Variants in ROGDI observed in about 807,000 individuals in gnomAD.
The protein encoded by ROGDI is rogdi atypical leucine zipper, also known as protein rogdi homolog.
In ROGDI, 46 loss-of-function variants were observed where a neutral mutation model predicts 43.1. That is an observed-to-expected ratio of 1.07 (90% CI 0.84 to 1.37). The LOEUF is 1.37. ROGDI is among the 40% of genes most tolerant of loss of function. The probability of loss-of-function intolerance (pLI) is 0.00; values close to 1 mark genes in which losing one functional copy is unlikely to be tolerated. For synonymous variants in ROGDI, 243 were observed against 162.0 expected, an observed-to-expected ratio of 1.50 and a Z score of -3.80; for missense variants, 518 against 383.9, an observed-to-expected ratio of 1.35 and a Z score of -2.92.
In ROGDI at chr16:4,800,558, G is replaced by A. The variant is rs376597130; in HGVS notation, c.276C>T (p.Pro92=). The A allele has an allele frequency of 3.9e-5, 61 of 1,568,540 alleles. 1 individual carries two copies. In the Middle Eastern group the frequency reaches 8.3e-4, roughly 21 times the overall value. ...CGAAGTGCAGCAGCTGGTTGTTCCG[G>A]GGCATCTTCAGGTTCACATCCTGAC... ...LSQADVNLKM[P]RNNQLLHFAF... The change falls in exon 5 of 11, where the codon CCC becomes CCT. Residue 92 remains proline (P), a synonymous_variant. Coordinates refer to ENST00000322048, the MANE Select transcript of ROGDI (RefSeq NM_024589.3).
Position 4,801,541 on chromosome 16 carries a change from C to A in ROGDI, c.162G>T (p.Gly54=), listed in dbSNP as rs1596278606. Residue 54 remains glycine (G), a synonymous_variant, in exon 3 of 11, where the codon GGG becomes GGT. Coordinates refer to ENST00000322048, the MANE Select transcript of ROGDI (RefSeq NM_024589.3). ...GGATGAAGTTCTCTTGCTTGGCGGG[C>A]CCCTCAGTGCCGGAGCCCGGCAGAG... is the stretch of plus-strand genomic sequence containing the variant. ...RFTLPGSGTE[G]PAKQENFILG... 1.2e-6 allele frequency: 2 copies of A among 1,606,794 alleles called. No individual in the cohort carries two copies. Among genetic ancestry groups the A allele is most frequent in the Non-Finnish European group, 8.5e-7 (1 of 1,176,896 alleles).
Position 4,802,427 on chromosome 16 carries a change from G to A in ROGDI, c.72C>T (p.His24=). Residue 24 remains histidine, a synonymous_variant, in exon 2 of 11, where the codon CAC becomes CAT. Transcript: ENST00000322048. The part of the protein sequence containing the change: ...VLEEEFRWLL[H]DEVHAVLKQL... ...GCTTCAACACAGCGTGCACCTCGTC[G>A]TGCAGCAGCCAGCGGAACTCCTCCT... 8.0e-6 allele frequency: 12 copies of A among 1,493,384 alleles called. No homozygotes were observed. Among genetic ancestry groups the A allele is most frequent in the South Asian group, 1.3e-5 (1 of 77,820 alleles). The allele number at this position is 1,493,384 out of a possible 1,614,324, so 92.5% of individuals were successfully genotyped here. A position where few individuals can be genotyped will look rare whatever the true frequency, so the allele number is the denominator to read the frequency against.
At chr16:4,801,871 G>A in intron 2 of ROGDI, 2 of 580,046 alleles carry the variant, frequency 3.4e-6, no homozygotes, top group East Asian at 5.9e-5. Flanking sequence ...GGGGGAAAGG[G>A]GCAAGGGGCA....
In ROGDI at chr16:4,802,194, G is replaced by A. The variant is rs1052173850; in HGVS notation, c.117+188C>T. On this transcript the variant is annotated intron_variant, in intron 2 of 10. Transcript: ENST00000322048. The stretch of plus-strand genomic sequence containing the variant: ...CTTGCTAGCACCCTCGTCGGGACCC[G>A]CCCCTGCCCGCACACAGGTACTTAT... The A allele has an allele frequency of 9.1e-6, 6 of 661,118 alleles. No individual in the cohort carries two copies. The South Asian group carries it at 9.5e-5, about 10-fold the overall frequency. 41.0% of individuals were successfully genotyped at this position (661,118 alleles called of 1,614,324 possible).
At position 4,797,289 on chromosome 16, in the gene ROGDI, C is replaced by T. The variant is rs993230917; in HGVS notation, c.*171G>A. On this transcript the variant is annotated 3_prime_UTR_variant, in exon 11 of 11. Coordinates refer to ENST00000322048, the MANE Select transcript of ROGDI (RefSeq NM_024589.3). ...CTACCCCACCAAACCAGCCTTCCTT[C>T]CTCCTGGCACTTCCAGTGTCCATTC... 4.7e-6 allele frequency: 3 copies of T among 640,830 alleles called. No individual in the cohort carries two copies. The highest frequency in any genetic ancestry group is 1.8e-5 in the African/African-American group (1 of 54,448). The allele number at this position is 640,830 out of a possible 1,614,324, so 39.7% of individuals were successfully genotyped here. A position where few individuals can be genotyped will look rare whatever the true frequency, so the allele number is the denominator to read the frequency against.
chr16:4,797,848 C>T lies in ROGDI; in HGVS notation c.696-8G>A. The T allele has an allele frequency of 6.2e-7, 1 of 1,610,650 alleles. No homozygotes were observed. The highest frequency in any genetic ancestry group is 8.5e-7 in the Non-Finnish European group (1 of 1,179,648). ...CGCTGAGAGCCCCACTCGCTGTGGG[C>T]AGTGAGAGGGTCCCTGAGGAGGGTC... is the stretch of plus-strand genomic sequence containing the variant. On this transcript the variant is annotated splice_region_variant and splice_polypyrimidine_tract_variant and intron_variant, in intron 9 of 10. Coordinates refer to ENST00000322048, the MANE Select transcript of ROGDI (RefSeq NM_024589.3).
chr16:4,799,564 C>T (rs1051410776), intron 6 of ROGDI, 122 bp downstream of exon 6: 11 of 634,132 alleles, frequency 1.7e-5, no homozygotes, highest in African/African-American at 9.2e-5. Flanking sequence ...GACACAGAGT[C>T]GGCAGGTAAG....
At chr16:4,801,651 A>C in intron 2 of ROGDI, 66 bp from the exon 3 acceptor site, 3 of 1,420,742 alleles carry the variant, frequency 2.1e-6, no homozygotes, top group African/African-American at 1.4e-5. Flanking sequence ...TGCTCCTTCC[A>C]GAAGCCCCCC....
chr16:4,798,265 A>C (rs1415201808), intron 7 of ROGDI, 81 bp from the exon 8 acceptor site: 3 of 1,165,032 alleles, frequency 2.6e-6, no homozygotes, highest in Non-Finnish European at 3.8e-6. Flanking sequence ...TCACTCATGG[A>C]GTCTGCAGGG....
In ROGDI at chr16:4,797,923, C is replaced by T. The variant is rs372447369; in HGVS notation, c.695+15G>A. ...GGGGTGGGCGTGCCTGGACCCCCCG[C>T]CCCTGCCTACTTACAACATGGCCCC... is the stretch of plus-strand genomic sequence containing the variant. On this transcript the variant is annotated intron_variant, in intron 9 of 10. Coordinates refer to ENST00000322048, the MANE Select transcript of ROGDI (RefSeq NM_024589.3). 6.3e-7 allele frequency: 1 copy of T among 1,598,576 alleles called. No individual in the cohort carries two copies. Among genetic ancestry groups the T allele is most frequent in the South Asian group, 1.1e-5 (1 of 89,982 alleles).
At chr16:4,798,738 A>C (rs1488805150) in intron 6 of ROGDI, 71 bp from the exon 7 acceptor site, 2 of 1,266,412 alleles carry the variant, frequency 1.6e-6, no homozygotes, top group East Asian at 5.1e-5. Context: ...CAGACATGGT[A>C]GCTCCCACTC....
intron 6 of ROGDI, 81 bp from the exon 7 acceptor site, chr16:4,798,748 C>T (rs1247001512): frequency 1.7e-6 from 2 of 1,159,278 alleles, no homozygotes; most frequent in East Asian, 2.6e-5. Context: ...AGCTCCCACT[C>T]CCACCCAGCC....
Position 4,800,486 on chromosome 16 carries a change from G to A in ROGDI, c.336+12C>T, listed in dbSNP as rs1429806619. On this transcript the variant is annotated intron_variant, in intron 5 of 10. Transcript: ENST00000322048. ...CTTGTGGCTGAGCACTAGCCAGGAGGGGCGGGGTCACCTGCTGCAGCTTCC... is the reference window on the plus strand; with the variant it reads ...CTTGTGGCTGAGCACTAGCCAGGAGAGGCGGGGTCACCTGCTGCAGCTTCC... The A allele has an allele frequency of 7.1e-6, 11 of 1,551,928 alleles. No homozygotes were observed. In the South Asian group the frequency reaches 1.1e-4, roughly 15 times the overall value.
Sources: gnomAD v4.1 joint callset for allele counts on GRCh38, gnomAD v4.1.1 for gene constraint, MANE v1.5 for transcripts, NCBI Gene and HGNC (gene_info 2026-07-23, HGNC 2026-07-21) for gene names.